Variants in GDAP1 observed in about 807,000 individuals in gnomAD.
The protein encoded by GDAP1 is ganglioside induced differentiation associated protein 1.
Under a neutral mutation model 40.1 loss-of-function variants are expected in GDAP1, and 34 were observed. The ratio of observed to expected loss-of-function variants is 0.85; its 90% CI spans 0.64 to 1.13. The LOEUF is 1.13. GDAP1 is among the 50% of genes most tolerant of loss of function. GDAP1 has a pLI of 0.00. For synonymous variants in GDAP1, 170 were observed against 157.4 expected (o/e 1.08, Z -0.60); for missense variants, 374 against 433.7 (o/e 0.86, Z 1.22).
chr8:74,478,237 T>C (rs57048091), intron 2 of GDAP1, among the ~76,000 whole-genome samples: 60,991 of 151,708 alleles, frequency 0.4, 12,612 homozygotes, highest in East Asian at 0.47. Context: ...AGCAGTGACA[T>C]GGTCAGGTGC....
At chr8:74,384,978 CTAGCAAAGCAAATA>C (rs1586817183) in intron 2 of GDAP1, among the ~76,000 whole-genome samples, 2 of 152,046 alleles carry the variant, frequency 1.3e-5, no homozygotes, top group East Asian at 3.9e-4. Flanking sequence ...GAATGCTTTG[CTAGCAAAGCAAATA>C]ATATGGATGC....
chr8:74,480,113 C>T (rs967648631), intron 2 of GDAP1, among the ~76,000 whole-genome samples: 7 of 151,798 alleles, frequency 4.6e-5, no homozygotes, highest in East Asian at 1.9e-4. Context: ...TTTAGCCTCC[C>T]GAGTAGCTGG....
chr8:74,419,951 C>T (rs564364751), intron 2 of GDAP1, among the ~76,000 whole-genome samples: 1 of 152,234 alleles, frequency 6.6e-6, no homozygotes, highest in East Asian at 1.9e-4. Context: ...CTCTTGATGA[C>T]AAAAAATTGG....
At chr8:74,422,312 T>C (rs569685354) in intron 2 of GDAP1, among the ~76,000 whole-genome samples, 713 of 50,888 alleles carry the variant, frequency 0.014, 5 homozygotes, top group Middle Eastern at 0.022. Context: ...TTTCTTTCTT[T>C]CTTTCTTTCT....
Position 74,365,090 on chromosome 8 carries a change from G to C in GDAP1, c.*723G>C, listed in dbSNP as rs116863614. On this transcript the variant is annotated 3_prime_UTR_variant, in exon 6 of 6. Transcript: ENST00000220822. ...TGTCCAGTCAGTGGGAGGTAGAAAG[G>C]GTGGCATCTGTAGCCCTCTTCATAC... 3 of 453,860 alleles carry C rather than the reference G, an allele frequency of 6.6e-6. No individual in the cohort carries two copies. The highest frequency in any genetic ancestry group is 4.7e-5 in the South Asian group (3 of 64,472). 28.1% of individuals were successfully genotyped at this position (453,860 alleles called of 1,614,324 possible).
intron 2 of GDAP1, among the ~76,000 whole-genome samples, chr8:74,447,514 C>A (rs1483963192): frequency 6.6e-6 from 1 of 152,084 alleles, no homozygotes; most frequent in Non-Finnish European, 1.5e-5. Flanking sequence ...TACCTTACCT[C>A]GTGATGGCTT....
At chr8:74,462,699 C>T (rs1383419195) in intron 2 of GDAP1, among the ~76,000 whole-genome samples, 11 of 152,118 alleles carry the variant, frequency 7.2e-5, no homozygotes, top group Non-Finnish European at 1.5e-4. Flanking sequence ...GAACTTAATC[C>T]TTCTTGCTTC....
intron 2 of GDAP1, among the ~76,000 whole-genome samples, chr8:74,445,464 C>T (rs139116367): frequency 6.6e-6 from 1 of 152,114 alleles, no homozygotes; most frequent in African/African-American, 2.4e-5. Context: ...TCTATTTAAA[C>T]TTAACATATT....
chr8:74,426,441 TC>T (rs1805948583), intron 2 of GDAP1, among the ~76,000 whole-genome samples: 1 of 152,236 alleles, frequency 6.6e-6, no homozygotes, highest in Admixed American at 6.5e-5. Flanking sequence ...TAGGATCCAG[TC>T]CGGGATACAA....
intron 2 of GDAP1, among the ~76,000 whole-genome samples, chr8:74,432,557 C>A (rs1806041466): frequency 6.6e-6 from 1 of 152,172 alleles, no homozygotes; most frequent in South Asian, 2.1e-4. Flanking sequence ...GTATCCCTAT[C>A]ATCCCATCTT....
intron 2 of GDAP1, among the ~76,000 whole-genome samples, chr8:74,391,031 C>T (rs1384930474): frequency 6.6e-6 from 1 of 152,116 alleles, no homozygotes; most frequent in Admixed American, 6.5e-5. Context: ...ACACCCCTCG[C>T]CCCACCAAGC....
chr8:74,376,183 G>A (rs1015686432), intron 2 of GDAP1, among the ~76,000 whole-genome samples: 6 of 152,072 alleles, frequency 3.9e-5, no homozygotes, highest in South Asian at 4.1e-4. Flanking sequence ...TCCATTCTCC[G>A]CAAATGTATC....
intron 2 of GDAP1, among the ~76,000 whole-genome samples, chr8:74,413,390 A>G (rs1805739302): frequency 6.7e-6 from 1 of 150,038 alleles, no homozygotes; most frequent in Admixed American, 6.6e-5. Context: ...TGGATCCAAC[A>G]CAGCCCAGCC....
chr8:74,463,546 G>T (rs1235567731), intron 2 of GDAP1, among the ~76,000 whole-genome samples: 8 of 152,018 alleles, frequency 5.3e-5, no homozygotes, highest in African/African-American at 1.9e-4. Context: ...GATTCTTGCT[G>T]CAGGAAAGTG....
chr8:74,471,892 C>A (rs1347589495), intron 2 of GDAP1, among the ~76,000 whole-genome samples: 1 of 151,972 alleles, frequency 6.6e-6, no homozygotes, highest in Non-Finnish European at 1.5e-5. Context: ...TATAGCTATA[C>A]CAGAGGTTAT....
rs372925497 is a variant in GDAP1 at position 74,353,368 on chromosome 8, A to G, written c.310+1902A>G. Among the ~76,000 whole-genome samples, 14 of 152,322 alleles carry G rather than the reference A, an allele frequency of 9.2e-5. No homozygotes were observed. In the South Asian group the frequency reaches 2.7e-3, roughly 29 times the overall value. ...TCTTTCAATCAATTGGGAAGGACGA[A>G]AAAACGATTAAGGGACCCAAAACTT... On this transcript the variant is annotated intron_variant, in intron 2 of 5. Transcript: ENST00000220822.
chr8:74,356,659 AGT>A (rs144717682), intron 2 of GDAP1, among the ~76,000 whole-genome samples: 5,841 of 122,852 alleles, frequency 0.048, 208 homozygotes, highest in African/African-American at 0.093. Flanking sequence ...AATATTATTT[AGT>A]GTGTGTGTGT....
chr8:74,386,578 G>A (rs1037091346), intron 2 of GDAP1, among the ~76,000 whole-genome samples: 1 of 152,096 alleles, frequency 6.6e-6, no homozygotes, highest in Non-Finnish European at 1.5e-5. Context: ...TGCGATTTTT[G>A]TTACTGTAGC....
chr8:74,455,256 C>T (rs577232545), intron 2 of GDAP1, among the ~76,000 whole-genome samples: 7 of 151,892 alleles, frequency 4.6e-5, no homozygotes, highest in East Asian at 1.9e-4. Flanking sequence ...ATTTAAACAA[C>T]GAGTCTATAG....
Sources: allele counts gnomAD v4.1 joint callset (sites outside exome capture counted in the v4.1 genomes callset), GRCh38; gene constraint gnomAD v4.1.1; transcripts MANE v1.5; gene names NCBI Gene and HGNC (gene_info 2026-07-23, HGNC 2026-07-21).